The following AADACL4 variants were observed in gnomAD, a reference collection of about 807,000 sequenced individuals.
The protein encoded by AADACL4 is arylacetamide deacetylase-like 4.
Under a neutral mutation model 14.1 loss-of-function variants are expected in AADACL4, and 9 were observed. The observed-to-expected ratio is 0.64, with a 90% confidence interval of 0.39 to 1.12. AADACL4 has a LOEUF of 1.12. Among genes scored for constraint, AADACL4 ranks in the 50% most tolerant of loss-of-function variants. The pLI, the probability that AADACL4 is intolerant of heterozygous loss-of-function variation, is 0.01. For missense variants in AADACL4, 531 were observed against 516.1 expected (o/e 1.03, Z -0.28); for synonymous variants, 188 against 201.6 (o/e 0.93, Z 0.57).
At chr1:12,656,502 C>T (rs1023335471) in intron 2 of AADACL4, among the ~76,000 whole-genome samples, 1 of 152,062 alleles carries the variant, frequency 6.6e-6, no homozygotes, top group African/African-American at 2.4e-5. Context: ...TTCAGTATGG[C>T]CAAAAAATAG....
At chr1:12,653,085 T>C (rs972937145) in intron 2 of AADACL4, among the ~76,000 whole-genome samples, 7 of 152,194 alleles carry the variant, frequency 4.6e-5, no homozygotes, top group African/African-American at 1.7e-4. Context: ...ATCTACTTTC[T>C]GCTGATTAGG....
intron 2 of AADACL4, among the ~76,000 whole-genome samples, chr1:12,659,655 A>T (rs941154770): frequency 2.6e-5 from 4 of 152,196 alleles, no homozygotes; most frequent in African/African-American, 4.8e-5. Context: ...ACATATATAT[A>T]TTTTAAGGAC....
intron 1 of AADACL4, among the ~76,000 whole-genome samples, chr1:12,645,495 G>A (rs917064248): frequency 3.9e-5 from 6 of 152,002 alleles, no homozygotes; most frequent in African/African-American, 1.2e-4. Context: ...TCCTTCAGCC[G>A]CGCACACTTT....
chr1:12,649,867 A>G (rs1395367431), intron 1 of AADACL4, among the ~76,000 whole-genome samples: 1 of 152,242 alleles, frequency 6.6e-6, no homozygotes, highest in African/African-American at 2.4e-5. Flanking sequence ...GAGCTTGGAT[A>G]GGCTTGGCTC....
chr1:12,650,714 G>A (rs1647139815), intron 1 of AADACL4, among the ~76,000 whole-genome samples: 1 of 152,030 alleles, frequency 6.6e-6, no homozygotes, highest in Admixed American at 6.6e-5. Context: ...TGTAATTTTA[G>A]TAGAGATGGG....
chr1:12,650,038 G>A (rs941767233), intron 1 of AADACL4, among the ~76,000 whole-genome samples: 3 of 152,210 alleles, frequency 2.0e-5, no homozygotes, highest in African/African-American at 7.2e-5. Context: ...TTGCTGAGAA[G>A]TTTAATCAAG....
Position 12,654,484 on chromosome 1 carries a change from T to C in AADACL4, c.385+3145T>C, listed in dbSNP as rs77913885. Among the ~76,000 whole-genome samples the C allele has an allele frequency of 1.1e-3, 173 of 152,300 alleles. 2 individuals carry two copies. Among genetic ancestry groups the C allele is most frequent in the East Asian group, 0.011 (55 of 5,178 alleles). On this transcript the variant is annotated intron_variant, in intron 2 of 3. Transcript: ENST00000376221. ...GGGTCTACTTGAGACCTTATTTCGG[T>C]GTGTGAGTGGGTCTCCTGTTTTTCT... is the stretch of plus-strand genomic sequence containing the variant.
intron 1 of AADACL4, among the ~76,000 whole-genome samples, chr1:12,645,836 A>G (rs1647108125): frequency 2.0e-5 from 3 of 152,118 alleles, no homozygotes; most frequent in Admixed American, 6.6e-5. Flanking sequence ...GAGCCACTGC[A>G]CCTAGCTTCA....
intron 1 of AADACL4, among the ~76,000 whole-genome samples, chr1:12,645,497 G>T (rs945814962): frequency 6.6e-6 from 1 of 151,978 alleles, no homozygotes; most frequent in Non-Finnish European, 1.5e-5. Flanking sequence ...CTTCAGCCGC[G>T]CACACTTTCA....
rs778478370 is a variant in AADACL4, at chr1:12,647,643, TTTTC to T, written c.168+2945_168+2948del. On this transcript the variant is annotated intron_variant, in intron 1 of 3. Coordinates refer to ENST00000376221, the MANE Select transcript of AADACL4 (RefSeq NM_001013630.2). Reference sequence around the variant, plus strand: ...ATATAACAAACACTATTGCTTTTCTTTTTCTTTCTTTCTTTCTTTTTTTTTTTTT... The same window carrying T: ...ATATAACAAACACTATTGCTTTTCTTTTTCTTTCTTTCTTTTTTTTTTTTT... 1.3e-4 allele frequency among the ~76,000 whole-genome samples: 19 copies of T among 151,824 alleles called. No homozygotes were observed. The South Asian group carries it at 2.1e-3, about 17-fold the overall frequency.
chr1:12,664,422 A>C (rs1405129519), intron 3 of AADACL4, among the ~76,000 whole-genome samples: 1 of 149,930 alleles, frequency 6.7e-6, no homozygotes, highest in Non-Finnish European at 1.5e-5. Context: ...GCTGGAGTGC[A>C]GTGGCACAAT....
intron 2 of AADACL4, among the ~76,000 whole-genome samples, chr1:12,658,033 T>C (rs200165490): frequency 3.4e-5 from 5 of 147,630 alleles, no homozygotes; most frequent in South Asian, 2.1e-4. Context: ...TTTCTCTTTC[T>C]TTCCTTCCTT....
intron 2 of AADACL4, among the ~76,000 whole-genome samples, chr1:12,653,904 A>G (rs1351298885): frequency 6.6e-6 from 1 of 152,212 alleles, no homozygotes; most frequent in East Asian, 1.9e-4. Context: ...GAGGGACTGC[A>G]TACAAGGATA....
At chr1:12,646,621 C>T (rs985020852) in intron 1 of AADACL4, among the ~76,000 whole-genome samples, 5 of 152,214 alleles carry the variant, frequency 3.3e-5, no homozygotes, top group African/African-American at 7.2e-5. Flanking sequence ...GGATTTAAAA[C>T]GAGGGCCTAA....
In AADACL4 at chr1:12,666,599, A is replaced by AG. The variant is rs1218760023; in HGVS notation, c.1093dup (p.Val365GlyfsTer10). ...CTCTATAAGAAGCGCTTGGAGGACC[A>AG]GGGGGTCCGCGTGACATGGTACCAC... is the stretch of plus-strand genomic sequence containing the variant. On this transcript the variant is annotated frameshift_variant, in exon 4 of 4. Coordinates refer to ENST00000376221, the MANE Select transcript of AADACL4 (RefSeq NM_001013630.2). LOFTEE classifies it low-confidence loss of function (END_TRUNC). The AG allele has an allele frequency of 6.2e-7, 1 of 1,614,096 alleles. No homozygotes were observed. The highest frequency in any genetic ancestry group is 8.5e-7 in the Non-Finnish European group (1 of 1,180,046).
intron 1 of AADACL4, among the ~76,000 whole-genome samples, 175 bp downstream of exon 1, chr1:12,644,889 G>A (rs114171417): frequency 0.013 from 1,703 of 131,422 alleles, 20 homozygotes; most frequent in South Asian, 0.036. Context: ...CCCTCCCTCC[G>A]TTCCTTCCCC....
chr1:12,647,484 G>A (rs1647118857), intron 1 of AADACL4, among the ~76,000 whole-genome samples: 1 of 152,106 alleles, frequency 6.6e-6, no homozygotes, highest in Non-Finnish European at 1.5e-5. Flanking sequence ...TGCTTAGAAA[G>A]TCTCGATAAA....
chr1:12,649,254 A>G (rs1368512275), intron 1 of AADACL4, among the ~76,000 whole-genome samples: 5 of 152,214 alleles, frequency 3.3e-5, no homozygotes, highest in Admixed American at 3.3e-4. Flanking sequence ...GAGCCTGGAT[A>G]TGAAAGTCAG....
intron 2 of AADACL4, among the ~76,000 whole-genome samples, chr1:12,653,922 C>T (rs1282960073): frequency 2.6e-5 from 4 of 152,280 alleles, no homozygotes; most frequent in South Asian, 2.1e-4. Flanking sequence ...ATAATATCCA[C>T]GTATTAGAGT....
Sources: gnomAD v4.1 joint callset for allele counts (sites outside exome capture counted in the v4.1 genomes callset) on GRCh38, gnomAD v4.1.1 for gene constraint, MANE v1.5 for transcripts, NCBI Gene and HGNC (gene_info 2026-07-23, HGNC 2026-07-21) for gene names.